ADGRL4: variants seen among roughly 807,000 people sequenced by gnomAD.
ADGRL4 encodes EGF, latrophilin and seven transmembrane domain containing 1.
A neutral mutation model predicts 74.8 loss-of-function variants in ADGRL4; 90 were observed. The ratio of observed to expected loss-of-function variants is 1.20; its 90% CI spans 1.02 to 1.43. ADGRL4 has a LOEUF of 1.43. Among genes scored for constraint, ADGRL4 ranks in the 40% most tolerant of loss-of-function variants. ADGRL4 has a pLI of 0.00. For synonymous variants in ADGRL4, 311 were observed against 279.2 expected (o/e 1.11, Z -1.14); for missense variants, 881 against 814.3 (o/e 1.08, Z -1.00).
At chr1:78,940,370 A>G (rs904142360) in intron 3 of ADGRL4, among the ~76,000 whole-genome samples, 8 of 152,176 alleles carry the variant, frequency 5.3e-5, no homozygotes, top group Non-Finnish European at 8.8e-5. Flanking sequence ...ATACACAATC[A>G]TCATAAATAA....
intron 12 of ADGRL4, among the ~76,000 whole-genome samples, chr1:78,910,819 C>T (rs926404007): frequency 4.6e-5 from 7 of 151,886 alleles, no homozygotes; most frequent in Middle Eastern, 6.8e-3. Context: ...ACAATCTTAA[C>T]ATTTTAAATG....
chr1:78,921,621 G>T lies in ADGRL4; in HGVS notation c.1249C>A (p.Pro417Thr). The change falls in exon 9 of 15, where the codon CCT (proline) becomes ACT (threonine). Residue 417 changes from proline (P) to threonine (T), a missense_variant. By Grantham distance (38) the Pro-to-Thr change is conservative. Transcript: ENST00000370742. ...GGGGAAAATTATCTTACAATGGAAG[G>T]ACCAGAGGACATCAAAATTGCAAAA... ...THFAILMSSG[P>T]SIGIKDYNIL... is the part of the protein sequence containing the mutation. 1 of 1,540,508 alleles carries T rather than the reference G, an allele frequency of 6.5e-7. No homozygotes were observed. The highest frequency in any genetic ancestry group is 1.4e-5 in the African/African-American group (1 of 71,118).
Position 78,891,540 on chromosome 1 carries a change from C to T in ADGRL4, c.1994G>A (p.Cys665Tyr). 2 of 1,612,820 alleles carry T rather than the reference C, an allele frequency of 1.2e-6. No homozygotes were observed. The highest frequency in any genetic ancestry group is 1.7e-6 in the Non-Finnish European group (2 of 1,179,528). ...FQGMFIFLFL[C>Y]VLSRKIQEEY... ...ATTGTTTACCTTTCTAGATAAAACA[C>T]ACAGGAATAAAAAAATGAACATCCC... is the stretch of plus-strand genomic sequence containing the variant. The change falls in exon 14 of 15, where the codon TGT becomes TAT. Residue 665 changes from cysteine (C) to tyrosine (Y), a missense_variant. Coordinates refer to ENST00000370742, the MANE Select transcript of ADGRL4 (RefSeq NM_022159.4).
chr1:78,937,648 C>T lies in ADGRL4; in HGVS notation c.760+159G>A, dbSNP rs556367784. On this transcript the variant is annotated intron_variant, in intron 6 of 14. Transcript: ENST00000370742. ...TTTGACTGGTACTTTATTCACAATG[C>T]TTTTGCAATATGCATCACCATTCAT... Among the ~76,000 whole-genome samples the T allele has an allele frequency of 1.1e-4, 17 of 152,266 alleles. No individual in the cohort carries two copies. The East Asian group carries it at 2.9e-3, about 26-fold the overall frequency.
chr1:78,957,472 T>C (rs1649860032), intron 2 of ADGRL4, among the ~76,000 whole-genome samples: 2 of 152,178 alleles, frequency 1.3e-5, no homozygotes, highest in South Asian at 4.1e-4. Context: ...TGAAAAAGCC[T>C]TATTGTTGAT....
At chr1:78,966,180 T>A (rs1650052108) in intron 2 of ADGRL4, among the ~76,000 whole-genome samples, 1 of 152,110 alleles carries the variant, frequency 6.6e-6, no homozygotes, top group South Asian at 2.1e-4. Flanking sequence ...CCATGGGAAG[T>A]TCATGCCCTT....
At chr1:78,999,017 C>A (rs1278083270) in intron 2 of ADGRL4, among the ~76,000 whole-genome samples, 2 of 151,932 alleles carry the variant, frequency 1.3e-5, no homozygotes, top group South Asian at 2.1e-4. Flanking sequence ...TATTAAGCTG[C>A]AAACCTGAAA....
Position 79,005,304 on chromosome 1 carries a change from A to G in ADGRL4, c.23-85T>C, listed in dbSNP as rs1336726832. Reference sequence around the variant, plus strand: ...TTGAATTAGAGTATAATAAACATAAATTATCCTCTCTTTCTATTTAGATAA... The same window carrying G: ...TTGAATTAGAGTATAATAAACATAAGTTATCCTCTCTTTCTATTTAGATAA... On this transcript the variant is annotated intron_variant, in intron 1 of 14. Transcript: ENST00000370742. 2.8e-6 allele frequency: 3 copies of G among 1,056,284 alleles called. No homozygotes were observed. The Admixed American group carries it at 1.0e-4, about 37-fold the overall frequency. The allele number at this position is 1,056,284 out of a possible 1,614,324, so 65.4% of individuals were successfully genotyped here. A position where few individuals can be genotyped will look rare whatever the true frequency, so the allele number is the denominator to read the frequency against.
chr1:78,920,900 T>C (rs556844459), intron 9 of ADGRL4, among the ~76,000 whole-genome samples: 1 of 152,012 alleles, frequency 6.6e-6, no homozygotes, highest in African/African-American at 2.4e-5. Context: ...TGAATACTTA[T>C]GTTTATATAC....
At chr1:78,976,990 T>A (rs1276182701) in intron 2 of ADGRL4, among the ~76,000 whole-genome samples, 1 of 151,766 alleles carries the variant, frequency 6.6e-6, no homozygotes, top group Non-Finnish European at 1.5e-5. Context: ...CAGACCAATA[T>A]GCCTCATGAA....
Position 78,890,242 on chromosome 1 carries a change from TAAAG to T in ADGRL4, c.*908_*911del, listed in dbSNP as rs1031759083. ...GTGATATTTATAAAATTAAAAATAA[TAAAG>T]GATTCAAATATACTAATGAGATAGT... On this transcript the variant is annotated 3_prime_UTR_variant, in exon 15 of 15. Transcript: ENST00000370742. 3 of 152,518 alleles carry T rather than the reference TAAAG, an allele frequency of 2.0e-5. No homozygotes were observed. Among genetic ancestry groups the T allele is most frequent in the African/African-American group, 7.2e-5 (3 of 41,444 alleles). The allele number at this position is 152,518 out of a possible 1,614,324, so 9.4% of individuals were successfully genotyped here.
At chr1:78,899,045 T>C (rs1045194163) in intron 12 of ADGRL4, among the ~76,000 whole-genome samples, 1 of 152,186 alleles carries the variant, frequency 6.6e-6, no homozygotes, top group Non-Finnish European at 1.5e-5. Context: ...TTCTCAATAA[T>C]TGATGAAGCC....
At chr1:78,895,046 C>G (rs1237151949) in intron 12 of ADGRL4, among the ~76,000 whole-genome samples, 1 of 151,892 alleles carries the variant, frequency 6.6e-6, no homozygotes, top group African/African-American at 2.4e-5. Context: ...CTTGAAAGTA[C>G]ATTTTTTCTG....
In ADGRL4 at chr1:78,926,998, T is replaced by C; in HGVS notation, c.971A>G (p.Asn324Ser). ...NFLLKPQNYDNSEEEERVISS... is the reference protein window; with the variant it reads ...NFLLKPQNYDSSEEEERVISS... ...TATGACTCTTTCCTCCTCTTCAGAATTATCATAATTTTGAGGTTTCAATAA... is the reference window on the plus strand; with the variant it reads ...TATGACTCTTTCCTCCTCTTCAGAACTATCATAATTTTGAGGTTTCAATAA... Residue 324 changes from asparagine to serine, a missense_variant, in exon 8 of 15, where the codon AAT becomes AGT. Transcript: ENST00000370742. 6.2e-7 allele frequency: 1 copy of C among 1,611,356 alleles called. No individual in the cohort carries two copies. The highest frequency in any genetic ancestry group is 1.1e-5 in the South Asian group (1 of 91,022).
intron 3 of ADGRL4, among the ~76,000 whole-genome samples, chr1:78,945,537 G>A (rs767454000): frequency 3.4e-4 from 52 of 152,070 alleles, no homozygotes; most frequent in Non-Finnish European, 6.0e-4. Flanking sequence ...ATCTGTTGAA[G>A]TTTATAAATA....
chr1:78,973,066 C>A (rs1399249582), intron 2 of ADGRL4, among the ~76,000 whole-genome samples: 1 of 152,164 alleles, frequency 6.6e-6, no homozygotes, highest in East Asian at 1.9e-4. Context: ...AATATCATTT[C>A]CTCCTTTAAC....
At chr1:78,940,735 G>T (rs1398005282) in intron 3 of ADGRL4, among the ~76,000 whole-genome samples, 1 of 152,110 alleles carries the variant, frequency 6.6e-6, no homozygotes, top group Non-Finnish European at 1.5e-5. Context: ...AATACTGTTT[G>T]CTGTAGAAAA....
intron 14 of ADGRL4, 73 bp from the exon 15 acceptor site, chr1:78,891,289 A>G: frequency 6.9e-7 from 1 of 1,454,650 alleles, no homozygotes; most frequent in East Asian, 2.3e-5. Flanking sequence ...TCAAATCACA[A>G]TAAATTGTTA....
At chr1:78,961,376 C>G (rs1649950468) in intron 2 of ADGRL4, among the ~76,000 whole-genome samples, 1 of 152,042 alleles carries the variant, frequency 6.6e-6, no homozygotes, top group Non-Finnish European at 1.5e-5. Flanking sequence ...CTCTTGACCT[C>G]GTGATCCGCC....
Sources: allele counts gnomAD v4.1 joint callset (sites outside exome capture counted in the v4.1 genomes callset), GRCh38; gene constraint gnomAD v4.1.1; transcripts MANE v1.5; gene names NCBI Gene and HGNC (gene_info 2026-07-23, HGNC 2026-07-21).